Variants in CTNNA3 observed in about 807,000 individuals in gnomAD.
The protein encoded by CTNNA3 is catenin alpha-3.
Under a neutral mutation model 95.7 loss-of-function variants are expected in CTNNA3, and 76 were observed. That is an observed-to-expected ratio of 0.79 (90% CI 0.66 to 0.96). CTNNA3 has a LOEUF of 0.96. CTNNA3 is among the 40% of genes least tolerant of loss of function. CTNNA3 has a pLI of 0.00. For synonymous variants in CTNNA3, 431 were observed against 374.4 expected (o/e 1.15, Z -1.74); for missense variants, 1,191 against 1,089.8 (o/e 1.09, Z -1.31).
intron 11 of CTNNA3, among the ~76,000 whole-genome samples, chr10:66,445,207 C>T (rs1037646393): frequency 1.3e-5 from 2 of 151,858 alleles, no homozygotes; most frequent in Admixed American, 1.3e-4. Context: ...ACTTAGACTC[C>T]CACACAATAA....
At chr10:66,254,194 C>T (rs931745326) in intron 13 of CTNNA3, among the ~76,000 whole-genome samples, 1 of 152,126 alleles carries the variant, frequency 6.6e-6, no homozygotes, top group African/African-American at 2.4e-5. Flanking sequence ...ACCTAGTGAC[C>T]ATCAAGCAGG....
intron 9 of CTNNA3, among the ~76,000 whole-genome samples, chr10:66,730,348 G>T (rs1312733021): frequency 3.3e-5 from 5 of 152,108 alleles, no homozygotes; most frequent in African/African-American, 1.2e-4. Flanking sequence ...ACTAACGAAG[G>T]AATAGAAAAC....
At chr10:67,158,188 C>T (rs1013410143) in intron 7 of CTNNA3, among the ~76,000 whole-genome samples, 1 of 152,092 alleles carries the variant, frequency 6.6e-6, no homozygotes. Context: ...AACAGGCAAA[C>T]TCCTGGCTTC....
chr10:66,894,881 A>G lies in CTNNA3; in HGVS notation c.1048-119357T>C, dbSNP rs538637304. On this transcript the variant is annotated intron_variant, in intron 7 of 17. Coordinates refer to ENST00000433211, the MANE Select transcript of CTNNA3 (RefSeq NM_013266.4). The stretch of plus-strand genomic sequence containing the variant: ...TCCCTTGAAGCAAGTCTTTGTAGAT[A>G]CTAATACTGTAATTTATGTGTATAT... Among the ~76,000 whole-genome samples the G allele has an allele frequency of 2.6e-5, 4 of 151,888 alleles. No individual in the cohort carries two copies. In the East Asian group the frequency reaches 5.8e-4, roughly 22 times the overall value.
At chr10:67,082,122 T>C (rs1453089068) in intron 7 of CTNNA3, among the ~76,000 whole-genome samples, 1 of 152,226 alleles carries the variant, frequency 6.6e-6, no homozygotes, top group East Asian at 1.9e-4. Flanking sequence ...TTCAATGCTA[T>C]AGAGAGGATT....
intron 13 of CTNNA3, among the ~76,000 whole-genome samples, chr10:66,121,275 A>G (rs771227910): frequency 2.6e-5 from 4 of 152,354 alleles, no homozygotes; most frequent in Non-Finnish European, 5.9e-5. Flanking sequence ...GTTAATTTAT[A>G]ATGGAAGTTA....
At chr10:66,751,101 C>A (rs974759383) in intron 9 of CTNNA3, among the ~76,000 whole-genome samples, 16 of 152,098 alleles carry the variant, frequency 1.1e-4, no homozygotes, top group African/African-American at 3.1e-4. Flanking sequence ...AACCCCGTCT[C>A]TGCTAAAAAT....
chr10:67,216,218 A>G (rs1864353449), intron 6 of CTNNA3, among the ~76,000 whole-genome samples: 1 of 152,152 alleles, frequency 6.6e-6, no homozygotes, highest in Admixed American at 6.5e-5. Flanking sequence ...TTAGTAAAAG[A>G]CAGAGTATCT....
At chr10:66,053,904 A>T (rs2080016368) in intron 15 of CTNNA3, among the ~76,000 whole-genome samples, 1 of 151,702 alleles carries the variant, frequency 6.6e-6, no homozygotes, top group South Asian at 2.1e-4. Context: ...ACCACATCTC[A>T]TTTTTCTCTT....
chr10:66,724,028 A>C (rs1461551442), intron 9 of CTNNA3, among the ~76,000 whole-genome samples: 1 of 152,030 alleles, frequency 6.6e-6, no homozygotes, highest in Non-Finnish European at 1.5e-5. Flanking sequence ...AATCGATGTA[A>C]ATCTGCTTCA....
intron 12 of CTNNA3, among the ~76,000 whole-genome samples, chr10:66,350,002 A>G (rs1451878840): frequency 2.0e-5 from 3 of 152,124 alleles, no homozygotes; most frequent in African/African-American, 7.2e-5. Flanking sequence ...TCAACTGCAC[A>G]GGAATCACAT....
At chr10:66,999,923 T>C (rs553261295) in intron 7 of CTNNA3, among the ~76,000 whole-genome samples, 1 of 152,316 alleles carries the variant, frequency 6.6e-6, no homozygotes, top group African/African-American at 2.4e-5. Context: ...ATTTGTTGTG[T>C]TGGCTTTAGA....
chr10:66,621,591 CAA>C (rs111590769), intron 10 of CTNNA3, 99 bp downstream of exon 10: 3,998 of 475,932 alleles, frequency 8.4e-3, no homozygotes, highest in South Asian at 0.015. Context: ...GACCTGGTCT[CAA>C]AAAAAAAAAA....
chr10:66,882,602 T>G (rs1366540363), intron 7 of CTNNA3, among the ~76,000 whole-genome samples: 1 of 152,170 alleles, frequency 6.6e-6, no homozygotes, highest in East Asian at 1.9e-4. Context: ...GGAAGAATAT[T>G]CTACTTAAAA....
chr10:67,409,856 A>G (rs1845300093), intron 5 of CTNNA3, among the ~76,000 whole-genome samples: 1 of 152,180 alleles, frequency 6.6e-6, no homozygotes, highest in Non-Finnish European at 1.5e-5. Flanking sequence ...TCAAAAAATA[A>G]CAGATGCTGG....
chr10:66,737,835 T>A (rs1849197277), intron 9 of CTNNA3, among the ~76,000 whole-genome samples: 1 of 152,078 alleles, frequency 6.6e-6, no homozygotes, highest in South Asian at 2.1e-4. Flanking sequence ...ATTTTTGTAT[T>A]TTTAGTAGAC....
intron 7 of CTNNA3, among the ~76,000 whole-genome samples, chr10:67,121,119 T>C (rs1859443396): frequency 6.6e-6 from 1 of 152,056 alleles, no homozygotes; most frequent in Admixed American, 6.6e-5. Context: ...CTGTTCTAAA[T>C]TTTTAAACTA....
chr10:67,053,579 T>C (rs1351056452), intron 7 of CTNNA3, among the ~76,000 whole-genome samples: 1 of 152,212 alleles, frequency 6.6e-6, no homozygotes, highest in Non-Finnish European at 1.5e-5. Flanking sequence ...ACAGCATAAA[T>C]TCTTTTGTTT....
chr10:67,465,223 C>T (rs1241515923), intron 5 of CTNNA3, among the ~76,000 whole-genome samples: 3 of 152,062 alleles, frequency 2.0e-5, no homozygotes, highest in Admixed American at 6.6e-5. Flanking sequence ...TGTTTTTACA[C>T]AGAATTTTAT....
Sources: gnomAD v4.1 joint callset for allele counts (sites outside exome capture counted in the v4.1 genomes callset) on GRCh38, gnomAD v4.1.1 for gene constraint, MANE v1.5 for transcripts, NCBI Gene and HGNC (gene_info 2026-07-23, HGNC 2026-07-21) for gene names.